The following SMAD6 variants were observed in gnomAD, a reference collection of about 807,000 sequenced individuals.
The protein encoded by SMAD6 is MAD homolog 6.
A neutral mutation model predicts 39.4 loss-of-function variants in SMAD6; 103 were observed. The ratio of observed to expected loss-of-function variants is 2.62; its 90% CI spans 2.23 to 3.08. SMAD6 has a LOEUF of 3.08. Among genes scored for constraint, SMAD6 ranks in the 30% most tolerant of loss-of-function variants. The probability of loss-of-function intolerance (pLI) is 0.00; values close to 1 mark genes in which losing one functional copy is unlikely to be tolerated. For synonymous variants in SMAD6, 445 were observed against 353.3 expected (o/e 1.26, Z -2.91); for missense variants, 1,104 against 742.9 (o/e 1.49, Z -5.65).
At chr15:66,720,349 A>G (rs563304000) in intron 3 of SMAD6, among the ~76,000 whole-genome samples, 57 of 152,156 alleles carry the variant, frequency 3.7e-4, no homozygotes, top group African/African-American at 1.3e-3. Context: ...TTCTCTCAGC[A>G]TCTCTGACTC....
chr15:66,703,201 C>T lies in SMAD6; in HGVS notation c.-58C>T. 2.4e-6 allele frequency: 3 copies of T among 1,261,998 alleles called. No homozygotes were observed. The highest frequency in any genetic ancestry group is 1.0e-6 in the Non-Finnish European group (1 of 974,264). 78.2% of individuals were successfully genotyped at this position (1,261,998 alleles called of 1,614,324 possible). On this transcript the variant is annotated 5_prime_UTR_variant, in exon 1 of 4. The change creates a new upstream start codon in the 5' untranslated region. Coordinates refer to ENST00000288840, the MANE Select transcript of SMAD6 (RefSeq NM_005585.5). ...CGCAGCCGGCGCCTCGCTGAGGGAA[C>T]GGACCCCCGGTAACCGGAGACCGCC...
chr15:66,764,415 G>A (rs1405286898), intron 3 of SMAD6, among the ~76,000 whole-genome samples: 1 of 151,798 alleles, frequency 6.6e-6, no homozygotes, highest in African/African-American at 2.4e-5. Flanking sequence ...TGGGATGCGT[G>A]CTTTATCCGA....
intron 3 of SMAD6, among the ~76,000 whole-genome samples, chr15:66,752,499 C>T (rs1894024755): frequency 6.6e-6 from 1 of 152,116 alleles, no homozygotes; most frequent in African/African-American, 2.4e-5. Context: ...AAAATACATA[C>T]ATAGGGCTGG....
chr15:66,781,251 T>A lies in SMAD6; in HGVS notation c.1207T>A (p.Tyr403Asn). ...LSKEPDGVWA[Y>N]NRGEHPIFVN... ...CAAGGAGCCCGACGGCGTGTGGGCC[T>A]ACAACCGCGGCGAGCACCCCATCTT... is the stretch of plus-strand genomic sequence containing the variant. Residue 403 changes from tyrosine (Y) to asparagine (N), a missense_variant, in exon 4 of 4, where the codon TAC (tyrosine) becomes AAC (asparagine). Tyr to Asn is a moderately radical substitution (Grantham distance 143, BLOSUM62 -2). Transcript: ENST00000288840. The A allele has an allele frequency of 6.2e-7, 1 of 1,608,420 alleles. No homozygotes were observed.
intron 3 of SMAD6, chr15:66,717,117 C>T: frequency 7.8e-7 from 1 of 1,288,564 alleles, no homozygotes; most frequent in South Asian, 1.2e-5. Flanking sequence ...ATACCTGAAT[C>T]AAACTTTCCT....
At chr15:66,773,772 G>C (rs1350541602) in intron 3 of SMAD6, among the ~76,000 whole-genome samples, 1 of 152,154 alleles carries the variant, frequency 6.6e-6, no homozygotes, top group African/African-American at 2.4e-5. Context: ...CCCCTTTTCA[G>C]CTCTGCCACC....
At chr15:66,768,986 G>A (rs1894335903) in intron 3 of SMAD6, among the ~76,000 whole-genome samples, 2 of 152,202 alleles carry the variant, frequency 1.3e-5, no homozygotes, top group African/African-American at 2.4e-5. Context: ...CAGAAGAGGG[G>A]TGTGTGATTC....
At chr15:66,706,397 C>T (rs1893111511) in intron 1 of SMAD6, 1 of 152,314 alleles carries the variant, frequency 6.6e-6, no homozygotes, top group South Asian at 2.1e-4. Flanking sequence ...CCTGTGGGGC[C>T]CCCATTCAGC....
At chr15:66,774,828 T>C (rs1176827775) in intron 3 of SMAD6, among the ~76,000 whole-genome samples, 2 of 143,754 alleles carry the variant, frequency 1.4e-5, no homozygotes, top group Non-Finnish European at 3.1e-5. Flanking sequence ...GTAACCACTA[T>C]TCTGATTTAT....
chr15:66,780,971 C>T (rs1298114612), intron 3 of SMAD6, 26 bp from the exon 4 acceptor site: 10 of 1,526,416 alleles, frequency 6.6e-6, no homozygotes, highest in East Asian at 2.4e-5. Flanking sequence ...CAGAATAACG[C>T]GGCGGTCCCT....
rs1893026940 is a variant in SMAD6, at chr15:66,703,507, C to T, written c.249C>T (p.Arg83=). Residue 83 remains arginine (R), a synonymous_variant, in exon 1 of 4, where the codon CGC becomes CGT. Coordinates refer to ENST00000288840, the MANE Select transcript of SMAD6 (RefSeq NM_005585.5). ...GQRGAQGAGR[R]RRAGGPPRPM... Reference sequence around the variant, plus strand: ...GAGGCGCCCAGGGCGCGGGGAGGCGCCGGCGCGCAGGGGGCCCCCCGAGGC... The same window carrying T: ...GAGGCGCCCAGGGCGCGGGGAGGCGTCGGCGCGCAGGGGGCCCCCCGAGGC... 1 of 1,225,032 alleles carries T rather than the reference C, an allele frequency of 8.2e-7. No individual in the cohort carries two copies. Among genetic ancestry groups the T allele is most frequent in the Non-Finnish European group, 1.0e-6 (1 of 980,234 alleles). The allele number at this position is 1,225,032 out of a possible 1,614,324, so 75.9% of individuals were successfully genotyped here. A position where few individuals can be genotyped will look rare whatever the true frequency, so the allele number is the denominator to read the frequency against.
chr15:66,720,661 G>T (rs1457809423), intron 3 of SMAD6, among the ~76,000 whole-genome samples: 1 of 152,212 alleles, frequency 6.6e-6, no homozygotes, highest in Non-Finnish European at 1.5e-5. Flanking sequence ...AAATGAGGAT[G>T]ATAATAACAA....
In SMAD6 at chr15:66,702,546, G is replaced by C. The variant is rs1162013923; in HGVS notation, c.-713G>C. On this transcript the variant is annotated 5_prime_UTR_variant, in exon 1 of 4. Transcript: ENST00000288840. Reference sequence around the variant, plus strand: ...CATTTTTAATTAAGGATTCCCAGCAGCTCTTTGGGATTTTTACAGCTTCCA... The same window carrying C: ...CATTTTTAATTAAGGATTCCCAGCACCTCTTTGGGATTTTTACAGCTTCCA... The C allele has an allele frequency of 3.3e-5, 5 of 152,602 alleles. No homozygotes were observed. Among genetic ancestry groups the C allele is most frequent in the South Asian group, 2.1e-4 (1 of 4,832 alleles). The allele number at this position is 152,602 out of a possible 1,614,324, so 9.5% of individuals were successfully genotyped here.
At chr15:66,745,406 C>T (rs1025165764) in intron 3 of SMAD6, among the ~76,000 whole-genome samples, 5 of 151,872 alleles carry the variant, frequency 3.3e-5, no homozygotes, top group Non-Finnish European at 5.9e-5. Context: ...ACTCTCCTCA[C>T]CCCGACCTGG....
intron 3 of SMAD6, among the ~76,000 whole-genome samples, chr15:66,764,806 C>A (rs1420873498): frequency 3.9e-5 from 6 of 152,194 alleles, no homozygotes; most frequent in Non-Finnish European, 8.8e-5. Flanking sequence ...TTCATTTTGT[C>A]TTCCATCCAG....
chr15:66,777,053 G>A (rs1894478906), intron 3 of SMAD6, among the ~76,000 whole-genome samples: 2 of 152,160 alleles, frequency 1.3e-5, no homozygotes, highest in South Asian at 4.1e-4. Context: ...AAACAAAAAC[G>A]AAGCAGTGGT....
rs760472203 is a variant in SMAD6, at chr15:66,703,657, C to T, written c.399C>T (p.Asp133=). ...TVTCCLFSER[D]AAGAPRDASD... ...CCTGCTGTCTCTTTTCGGAGCGGGA[C>T]GCCGCCGGCGCGCCCCGGGACGCCA... The change falls in exon 1 of 4, where the codon GAC becomes GAT. Residue 133 remains aspartate (D), a synonymous_variant. Transcript: ENST00000288840. 1.0e-4 allele frequency: 125 copies of T among 1,230,628 alleles called. No homozygotes were observed. The highest frequency in any genetic ancestry group is 1.2e-4 in the Non-Finnish European group (118 of 985,878). 76.2% of individuals were successfully genotyped at this position (1,230,628 alleles called of 1,614,324 possible).
At chr15:66,710,101 G>A (rs1169880493) in intron 1 of SMAD6, among the ~76,000 whole-genome samples, 2 of 152,184 alleles carry the variant, frequency 1.3e-5, no homozygotes, top group African/African-American at 2.4e-5. Context: ...GGCCTGGACT[G>A]GAATCCCAGC....
In SMAD6 at chr15:66,782,626, C is replaced by T. The variant is rs1182905004; in HGVS notation, c.*1091C>T. The T allele has an allele frequency of 1.3e-5, 2 of 152,138 alleles. No individual in the cohort carries two copies. The highest frequency in any genetic ancestry group is 2.9e-5 in the Non-Finnish European group (2 of 68,030). 9.4% of individuals were successfully genotyped at this position (152,138 alleles called of 1,614,324 possible). A position where few individuals can be genotyped will look rare whatever the true frequency, so the allele number is the denominator to read the frequency against. On this transcript the variant is annotated 3_prime_UTR_variant, in exon 4 of 4. Transcript: ENST00000288840. The stretch of plus-strand genomic sequence containing the variant: ...AAGGTTAAATGATTTGCTCATGAGA[C>T]AAAATCAAGGTTAGAAGTTACATGG...
Sources: gnomAD v4.1 joint callset for allele counts (sites outside exome capture counted in the v4.1 genomes callset) on GRCh38, gnomAD v4.1.1 for gene constraint, MANE v1.5 for transcripts, NCBI Gene and HGNC (gene_info 2026-07-23, HGNC 2026-07-21) for gene names.